Variants in LINC00305 observed in about 807,000 individuals in gnomAD.
LINC00305 encodes the protein long intergenic non-protein coding RNA 305.
At chr18:64,112,138 C>T (rs990933855) in intron 1 of LINC00305, among the ~76,000 whole-genome samples, 2 of 152,008 alleles carry the variant, frequency 1.3e-5, no homozygotes, top group African/African-American at 4.8e-5. Flanking sequence ...ATCAGCCTGC[C>T]GCAGATGCTC....
Position 64,112,419 on chromosome 18 carries a change from A to T in LINC00305, n.315-13779T>A, listed in dbSNP as rs34260505. Among the ~76,000 whole-genome samples, 230 of 152,110 alleles carry T rather than the reference A, an allele frequency of 1.5e-3. 1 individual carries two copies. The highest frequency in any genetic ancestry group is 2.3e-3 in the Non-Finnish European group (156 of 67,990). On this transcript the variant is annotated intron_variant and non_coding_transcript_variant, in intron 1 of 3. Coordinates refer to ENST00000666468, the Ensembl canonical transcript of LINC00305. ...TATCATAGGATGTTAAGGCAGATTT[A>T]CCAGGAAAATATTCATATTTCCGTT... is the stretch of plus-strand genomic sequence containing the variant.
At chr18:64,099,359 G>T (rs2051259315) in intron 1 of LINC00305, among the ~76,000 whole-genome samples, 2 of 152,070 alleles carry the variant, frequency 1.3e-5, no homozygotes, top group Admixed American at 6.6e-5. Context: ...GATGAATGAG[G>T]CACAATCGTA....
chr18:64,097,502 C>T (rs1167523729), intron 3 of LINC00305, among the ~76,000 whole-genome samples: 3 of 151,860 alleles, frequency 2.0e-5, no homozygotes, highest in Non-Finnish European at 4.4e-5. Flanking sequence ...TGCTATGTTT[C>T]CAGTCCAAGG....
chr18:64,134,690 C>A (rs1037123497), intron 1 of LINC00305, among the ~76,000 whole-genome samples: 1 of 152,176 alleles, frequency 6.6e-6, no homozygotes, highest in Non-Finnish European at 1.5e-5. Flanking sequence ...TTCTTTCTCA[C>A]AATTTATTTA....
At chr18:64,100,869 AGT>A (rs1012746076) in intron 1 of LINC00305, among the ~76,000 whole-genome samples, 113 of 152,228 alleles carry the variant, frequency 7.4e-4, no homozygotes, top group African/African-American at 2.6e-3. Context: ...GCTGGTGAAG[AGT>A]GTCATGACTC....
chr18:64,133,607 G>C (rs147915842), intron 1 of LINC00305, among the ~76,000 whole-genome samples: 1 of 152,168 alleles, frequency 6.6e-6, no homozygotes, highest in Non-Finnish European at 1.5e-5. Flanking sequence ...CAGACATGGA[G>C]TGTCCTAAGT....
At chr18:64,117,626 T>C (rs1371982057) in intron 1 of LINC00305, among the ~76,000 whole-genome samples, 1 of 152,160 alleles carries the variant, frequency 6.6e-6, no homozygotes, top group African/African-American at 2.4e-5. Context: ...ATCCAGACTT[T>C]TCAATGAAGG....
chr18:64,083,111 A>G (rs1249954267), intron 3 of LINC00305, among the ~76,000 whole-genome samples: 1 of 152,020 alleles, frequency 6.6e-6, no homozygotes, highest in Non-Finnish European at 1.5e-5. Flanking sequence ...TAATCATCCT[A>G]CTTTAATTTT....
At chr18:64,143,575 TGTATATGTACATATGTAC>T (rs2051477057) in intron 1 of LINC00305, among the ~76,000 whole-genome samples, 1 of 2,948 alleles carries the variant, frequency 3.4e-4, no homozygotes, top group African/African-American at 5.6e-4. Context: ...TATACACATA[TGTATATGTACATATGTAC>T]ACATATGTAT....
intron 1 of LINC00305, among the ~76,000 whole-genome samples, chr18:64,118,288 A>G (rs936938525): frequency 1.4e-4 from 21 of 152,208 alleles, no homozygotes; most frequent in Admixed American, 4.6e-4. Context: ...AAAATCCTCA[A>G]TAATAAATGT....
intron 1 of LINC00305, among the ~76,000 whole-genome samples, chr18:64,130,612 A>T (rs2051405449): frequency 6.6e-6 from 1 of 152,200 alleles, no homozygotes; most frequent in Non-Finnish European, 1.5e-5. Flanking sequence ...GACTAACTGA[A>T]ATAAAAGTTT....
intron 1 of LINC00305, among the ~76,000 whole-genome samples, chr18:64,135,929 A>G (rs2051431304): frequency 6.6e-6 from 1 of 152,070 alleles, no homozygotes; most frequent in African/African-American, 2.4e-5. Context: ...GACTGCTGGC[A>G]TCTTACAATT....
At chr18:64,083,019 T>C (rs1416016311) in intron 3 of LINC00305, among the ~76,000 whole-genome samples, 2 of 152,168 alleles carry the variant, frequency 1.3e-5, no homozygotes, top group Non-Finnish European at 2.9e-5. Context: ...TTTTAAATTG[T>C]ATTAAAAATT....
At chr18:64,099,385 A>G (rs776464770) in intron 1 of LINC00305, among the ~76,000 whole-genome samples, 3 of 152,178 alleles carry the variant, frequency 2.0e-5, no homozygotes, top group Non-Finnish European at 2.9e-5. Context: ...TCATAGCCTC[A>G]TAGGGGAATC....
At chr18:64,117,653 C>T (rs567509599) in intron 1 of LINC00305, among the ~76,000 whole-genome samples, 2 of 152,136 alleles carry the variant, frequency 1.3e-5, no homozygotes, top group African/African-American at 4.8e-5. Flanking sequence ...AAACAGTTCT[C>T]TTTTTTGAGA....
At chr18:64,117,509 G>C (rs1239040497) in intron 1 of LINC00305, among the ~76,000 whole-genome samples, 1 of 152,136 alleles carries the variant, frequency 6.6e-6, no homozygotes, top group Non-Finnish European at 1.5e-5. Flanking sequence ...TTTCTTACCT[G>C]TAAAATTGAC....
intron 1 of LINC00305, among the ~76,000 whole-genome samples, chr18:64,130,326 A>T (rs967822308): frequency 3.3e-5 from 5 of 152,144 alleles, no homozygotes; most frequent in Non-Finnish European, 7.4e-5. Flanking sequence ...TTATGTGCTT[A>T]GCACATTGGA....
At position 64,118,099 on chromosome 18, in the gene LINC00305, A is replaced by T. The variant is rs958618; in HGVS notation, n.315-19459T>A. Among the ~76,000 whole-genome samples the T allele has an allele frequency of 7.8e-3, 1,192 of 152,272 alleles. 9 individuals are homozygous for T. The highest frequency in any genetic ancestry group is 0.025 in the African/African-American group (1,034 of 41,564). ...ATAAAAGTAATTACTTAGTGTGAAC[A>T]GCTAGGAGGCATTTCATTCTAGTCA... On this transcript the variant is annotated intron_variant and non_coding_transcript_variant, in intron 1 of 3. Coordinates refer to ENST00000666468, the Ensembl canonical transcript of LINC00305.
chr18:64,143,675 T>TATGTATGTCCACATATTATGCGTAC (rs1296515277), intron 1 of LINC00305, among the ~76,000 whole-genome samples: 889 of 69,014 alleles, frequency 0.013, 398 homozygotes, highest in Non-Finnish European at 0.016. Flanking sequence ...TATGTATACA[T>TATGTATGTCCACATATTATGCGTAC]ATGTATGTCC....
Sources: allele counts gnomAD v4.1 joint callset (sites outside exome capture counted in the v4.1 genomes callset), GRCh38; gene constraint gnomAD v4.1.1; transcripts MANE v1.5; gene names NCBI Gene and HGNC (gene_info 2026-07-23, HGNC 2026-07-21).